RGS5: variants seen among roughly 807,000 people sequenced by gnomAD.
RGS5 encodes the protein regulator of G protein signaling 5, also known as regulator of G-protein signalling 5.
A neutral mutation model predicts 18.9 loss-of-function variants in RGS5; 20 were observed. The observed-to-expected ratio is 1.06, with a 90% CI of 0.74 to 1.54. RGS5 has a LOEUF of 1.54. Ranked by LOEUF, RGS5 falls within the 40% of genes most tolerant of loss-of-function variation. The pLI is 0.00. For synonymous variants in RGS5, 57 were observed against 76.2 expected (o/e 0.75, Z 1.31); for missense variants, 201 against 211.8 (o/e 0.95, Z 0.32).
chr1:163,223,794 C>T (rs77884743), intron 2 of RGS5, among the ~76,000 whole-genome samples: 2,205 of 152,230 alleles, frequency 0.014, 154 homozygotes, highest in Admixed American at 0.11. Context: ...ATTATCTTAG[C>T]GTATAAACTA....
chr1:163,195,300 C>A lies in RGS5; in HGVS notation c.44+7492G>T, dbSNP rs1057092942. On this transcript the variant is annotated intron_variant, in intron 1 of 4. Coordinates refer to ENST00000313961, the MANE Select transcript of RGS5 (RefSeq NM_003617.4). ...CAACTTGGATGGAGCTGGAGGCTATCATTCTAAGTGAAGTAACTCAGGAAT... is the reference window on the plus strand; with the variant it reads ...CAACTTGGATGGAGCTGGAGGCTATAATTCTAAGTGAAGTAACTCAGGAAT... Among the ~76,000 whole-genome samples, 4 of 152,226 alleles carry A rather than the reference C, an allele frequency of 2.6e-5. No homozygotes were observed. In the East Asian group the frequency reaches 7.7e-4, roughly 29 times the overall value.
chr1:163,147,568 G>C (rs1657190270), intron 4 of RGS5, 65 bp from the exon 5 acceptor site: 1 of 1,351,276 alleles, frequency 7.4e-7, no homozygotes, highest in Non-Finnish European at 9.8e-7. Flanking sequence ...GGGGTGAAGA[G>C]GGAGGTGGAA....
At chr1:163,284,628 A>G (rs1436408807) in intron 2 of RGS5, among the ~76,000 whole-genome samples, 1 of 152,118 alleles carries the variant, frequency 6.6e-6, no homozygotes, top group Non-Finnish European at 1.5e-5. Flanking sequence ...GGCCAACCCT[A>G]TGCTTTTTGC....
In RGS5 at chr1:163,168,400, C is replaced by T. The variant is rs750017382; in HGVS notation, c.45-32G>A. On this transcript the variant is annotated intron_variant, in intron 1 of 4. Coordinates refer to ENST00000313961, the MANE Select transcript of RGS5 (RefSeq NM_003617.4). ...GAAGAGACACAAGGGGAAATGAGGA[C>T]ACCACATGTGCATACAGATTTTAAG... 12 of 1,456,014 alleles carry T rather than the reference C, an allele frequency of 8.2e-6. No homozygotes were observed. In the South Asian group the frequency reaches 1.0e-4, roughly 12 times the overall value. 90.2% of individuals were successfully genotyped at this position (1,456,014 alleles called of 1,614,324 possible).
At chr1:163,264,669 A>G (rs1648532801) in intron 2 of RGS5, among the ~76,000 whole-genome samples, 1 of 152,112 alleles carries the variant, frequency 6.6e-6, no homozygotes, top group Non-Finnish European at 1.5e-5. Context: ...CTGAATCTGG[A>G]CCTTGGAGTA....
chr1:163,253,624 TTTTATTTA>T (rs141413287), intron 2 of RGS5, among the ~76,000 whole-genome samples: 2,571 of 148,958 alleles, frequency 0.017, 44 homozygotes, highest in South Asian at 0.052. Flanking sequence ...CCATTTTTCT[TTTTATTTA>T]TTTATTTATT....
At chr1:163,161,609 G>C (rs1420764109) in intron 3 of RGS5, 1 of 258,324 alleles carries the variant, frequency 3.9e-6, no homozygotes, top group Non-Finnish European at 7.5e-6. Context: ...TTTTACTGAT[G>C]AGAATGTTGA....
At chr1:163,291,135 A>G (rs1649274202) in intron 2 of RGS5, among the ~76,000 whole-genome samples, 1 of 150,458 alleles carries the variant, frequency 6.6e-6, no homozygotes, top group Non-Finnish European at 1.5e-5. Context: ...ACTTATTAAA[A>G]AAAAAAAAAA....
intron 2 of RGS5, among the ~76,000 whole-genome samples, chr1:163,243,643 CAAA>C (rs3069033): frequency 2.0e-4 from 11 of 55,134 alleles, no homozygotes; most frequent in African/African-American, 7.4e-4. Context: ...GACTCCGTCT[CAAA>C]AAAAAAAAAA....
chr1:163,201,255 C>T (rs1241144201), intron 1 of RGS5, among the ~76,000 whole-genome samples: 1 of 152,046 alleles, frequency 6.6e-6, no homozygotes, highest in Non-Finnish European at 1.5e-5. Context: ...ATACATTGTC[C>T]CATATTCAAG....
chr1:163,147,602 G>T, intron 4 of RGS5, 99 bp from the exon 5 acceptor site: 1 of 1,107,582 alleles, frequency 9.0e-7, no homozygotes, highest in Non-Finnish European at 1.2e-6. Context: ...AAACATAAGA[G>T]GGGAGGAAAG....
rs543553930 is a variant in RGS5, at chr1:163,247,500, T to C, written c.-281+58733A>G. Among the ~76,000 whole-genome samples the C allele has an allele frequency of 3.3e-5, 5 of 149,472 alleles. No individual in the cohort carries two copies. In the South Asian group the frequency reaches 1.0e-3, roughly 31 times the overall value. On this transcript the variant is annotated intron_variant, in intron 2 of 5. Transcript: ENST00000618415. ...AATCCAGCTAAATTGCATTTAACTC[T>C]ACTAAAAACATTTTTAAATCACCTA... is the stretch of plus-strand genomic sequence containing the variant.
intron 1 of RGS5, among the ~76,000 whole-genome samples, chr1:163,183,679 A>T (rs1021730459): frequency 3.9e-5 from 6 of 152,228 alleles, no homozygotes; most frequent in African/African-American, 1.4e-4. Context: ...TACACAGACA[A>T]GTTGAGGAAA....
chr1:163,286,130 C>A (rs78962765), intron 2 of RGS5, among the ~76,000 whole-genome samples: 52 of 151,676 alleles, frequency 3.4e-4, no homozygotes, highest in African/African-American at 8.9e-4. Flanking sequence ...GGAAAAAAAA[C>A]CCCCAATAAA....
At chr1:163,256,048 T>C (rs71519249) in intron 2 of RGS5, among the ~76,000 whole-genome samples, 29,686 of 151,444 alleles carry the variant, frequency 0.2, 3,340 homozygotes, top group Non-Finnish European at 0.25. Context: ...TGAAAACTGG[T>C]ACAAGACAGG....
chr1:163,242,197 A>C (rs899223964), intron 2 of RGS5, among the ~76,000 whole-genome samples: 2 of 152,084 alleles, frequency 1.3e-5, no homozygotes, highest in Non-Finnish European at 2.9e-5. Flanking sequence ...GGATAGAGAG[A>C]TAATGGATCA....
chr1:163,295,614 T>A (rs1221906680), intron 2 of RGS5, among the ~76,000 whole-genome samples: 1 of 152,186 alleles, frequency 6.6e-6, no homozygotes, highest in East Asian at 1.9e-4. Context: ...ACATGCAAAT[T>A]GTTCTCTCTT....
At chr1:163,161,889 T>TA in intron 3 of RGS5, 26 bp downstream of exon 3, 5 of 1,598,380 alleles carry the variant, frequency 3.1e-6, no homozygotes, top group East Asian at 2.2e-5. Context: ...GACCTTTATT[T>TA]AAAAAAACAA....
intron 2 of RGS5, chr1:163,304,690 A>G (rs1414689945): frequency 6.6e-6 from 1 of 152,214 alleles, no homozygotes; most frequent in Non-Finnish European, 1.5e-5. Flanking sequence ...CATCTACTTC[A>G]TAATAGGCAA....
Sources: allele counts gnomAD v4.1 joint callset (sites outside exome capture counted in the v4.1 genomes callset), GRCh38; gene constraint gnomAD v4.1.1; transcripts MANE v1.5; gene names NCBI Gene and HGNC (gene_info 2026-07-23, HGNC 2026-07-21).